Variants in IGF1R observed in about 807,000 individuals in gnomAD.
IGF1R encodes the protein insulin-like growth factor 1 receptor.
In IGF1R, 44 loss-of-function variants were observed where a neutral mutation model predicts 144.6. The observed-to-expected ratio is 0.30, with a 90% CI of 0.24 to 0.39. The LOEUF (loss-of-function observed/expected upper bound fraction) is 0.39. Among genes scored for constraint, IGF1R ranks in the 10% least tolerant of loss-of-function variants. The probability of loss-of-function intolerance (pLI) is 1.00; values close to 1 mark genes in which losing one functional copy is unlikely to be tolerated. For synonymous variants in IGF1R, 795 were observed against 722.8 expected (o/e 1.10, Z -1.60); for missense variants, 1,355 against 1,833.7 (o/e 0.74, Z 4.77).
At chr15:98,896,694 T>C (rs2151651800) in intron 3 of IGF1R, 63 bp from the exon 4 acceptor site, 1 of 1,533,328 alleles carries the variant, frequency 6.5e-7, no homozygotes, top group Non-Finnish European at 9.0e-7. Context: ...CTTATGGTTT[T>C]TTTAATGCAA....
At chr15:98,680,297 C>T (rs1024233428) in intron 1 of IGF1R, among the ~76,000 whole-genome samples, 33 of 151,322 alleles carry the variant, frequency 2.2e-4, no homozygotes, top group Admixed American at 7.2e-4. Flanking sequence ...GACAGAGTCT[C>T]GCTCTGTCGC....
At chr15:98,684,436 A>G (rs1223319104) in intron 1 of IGF1R, among the ~76,000 whole-genome samples, 1 of 151,960 alleles carries the variant, frequency 6.6e-6, no homozygotes, top group East Asian at 1.9e-4. Flanking sequence ...ATGAATATAA[A>G]TGATACCTAG....
chr15:98,951,558 TAGC>T (rs1430507371), intron 20 of IGF1R, among the ~76,000 whole-genome samples: 1 of 152,268 alleles, frequency 6.6e-6, no homozygotes. Context: ...AGGAGCGGCA[TAGC>T]TGGCTGGCTC....
chr15:98,720,395 G>A (rs949163792), intron 2 of IGF1R, among the ~76,000 whole-genome samples: 1 of 152,180 alleles, frequency 6.6e-6, no homozygotes, highest in Admixed American at 6.5e-5. Flanking sequence ...TGGGGACCTC[G>A]GATAGATCTG....
rs1374829919 is a variant in IGF1R, at chr15:98,777,222, A to G, written c.640+69115A>G. The stretch of plus-strand genomic sequence containing the variant: ...ATCAGGGCCTTCACTTGGATTTTGC[A>G]CTTGCCGCAGTGGAGACATTCCTCG... On this transcript the variant is annotated intron_variant, in intron 2 of 20. Coordinates refer to ENST00000650285, the MANE Select transcript of IGF1R (RefSeq NM_000875.5). 3.3e-5 allele frequency among the ~76,000 whole-genome samples: 5 copies of G among 152,172 alleles called. No individual in the cohort carries two copies. The East Asian group carries it at 9.6e-4, about 29-fold the overall frequency.
intron 2 of IGF1R, among the ~76,000 whole-genome samples, chr15:98,799,684 G>A (rs1359562590): frequency 6.6e-6 from 1 of 152,176 alleles, no homozygotes; most frequent in Non-Finnish European, 1.5e-5. Context: ...TTAGCGGAGG[G>A]GAGTGCTGAG....
At chr15:98,759,626 C>A (rs1399287270) in intron 2 of IGF1R, among the ~76,000 whole-genome samples, 1 of 152,206 alleles carries the variant, frequency 6.6e-6, no homozygotes, top group East Asian at 1.9e-4. Flanking sequence ...CAGAAGATTT[C>A]TTAACCAATT....
intron 1 of IGF1R, among the ~76,000 whole-genome samples, chr15:98,655,379 C>T (rs2052460577): frequency 6.6e-6 from 1 of 152,078 alleles, no homozygotes; most frequent in Non-Finnish European, 1.5e-5. Flanking sequence ...TCCCAGATAC[C>T]ATTTTTGAAG....
chr15:98,855,645 TTAATG>T (rs2141571272), intron 2 of IGF1R, among the ~76,000 whole-genome samples: 1 of 152,360 alleles, frequency 6.6e-6, no homozygotes, highest in Admixed American at 6.5e-5. Flanking sequence ...AATTAGCTCT[TTAATG>T]TATACGTTTA....
intron 9 of IGF1R, 98 bp from the exon 10 acceptor site, chr15:98,916,574 C>A: frequency 3.6e-6 from 4 of 1,101,210 alleles, no homozygotes; most frequent in Non-Finnish European, 5.6e-6. Flanking sequence ...GACCAGCTAT[C>A]TTCTTGATTA....
chr15:98,777,882 C>G (rs907802), intron 2 of IGF1R, among the ~76,000 whole-genome samples: 151,873 of 152,366 alleles, frequency 1, 75,693 homozygotes, highest in Middle Eastern at 1. Context: ...CACTGCAGAT[C>G]GTAAGGTCTA....
At position 98,957,577 on chromosome 15, in the gene IGF1R, G is replaced by A. The variant is rs185135822; in HGVS notation, c.*135G>A. The A allele has an allele frequency of 4.8e-5, 51 of 1,056,616 alleles. No individual in the cohort carries two copies. The highest frequency in any genetic ancestry group is 3.0e-4 in the Middle Eastern group (1 of 3,290). The allele number at this position is 1,056,616 out of a possible 1,614,324, so 65.5% of individuals were successfully genotyped here. A position where few individuals can be genotyped will look rare whatever the true frequency, so the allele number is the denominator to read the frequency against. The stretch of plus-strand genomic sequence containing the variant: ...ATCTTCAGAACTGCCCTTGCTGCCC[G>A]CGGGAGACAGCTTCTCTGCAGTAAA... On this transcript the variant is annotated 3_prime_UTR_variant, in exon 21 of 21. Coordinates refer to ENST00000650285, the MANE Select transcript of IGF1R (RefSeq NM_000875.5).
chr15:98,720,855 T>G (rs1336217856), intron 2 of IGF1R, among the ~76,000 whole-genome samples: 1 of 152,236 alleles, frequency 6.6e-6, no homozygotes, highest in Non-Finnish European at 1.5e-5. Flanking sequence ...TCCACTAAAG[T>G]AAGCTTTCCC....
rs11630136 is a variant in IGF1R at position 98,920,290 on chromosome 15, G to C, written c.2202-1858G>C. Reference sequence around the variant, plus strand: ...GTTCCTGCCTTCCAGATAATGTTCTGTGTCACCTCCCTCCCCTTGTCACTG... The same window carrying C: ...GTTCCTGCCTTCCAGATAATGTTCTCTGTCACCTCCCTCCCCTTGTCACTG... On this transcript the variant is annotated intron_variant, in intron 10 of 20. Coordinates refer to ENST00000650285, the MANE Select transcript of IGF1R (RefSeq NM_000875.5). 6.8e-3 allele frequency among the ~76,000 whole-genome samples: 1,032 copies of C among 152,292 alleles called. 4 individuals are homozygous for C. Among genetic ancestry groups the C allele is most frequent in the Non-Finnish European group, 0.011 (767 of 68,016 alleles).
chr15:98,881,851 G>A (rs1018150856), intron 2 of IGF1R, among the ~76,000 whole-genome samples: 2 of 152,160 alleles, frequency 1.3e-5, no homozygotes, highest in African/African-American at 4.8e-5. Context: ...AAATATATGT[G>A]AGATGCTTAA....
At chr15:98,652,546 G>A (rs1462913374) in intron 1 of IGF1R, among the ~76,000 whole-genome samples, 1 of 152,178 alleles carries the variant, frequency 6.6e-6, no homozygotes, top group African/African-American at 2.4e-5. Flanking sequence ...AATGTAAAAG[G>A]TCATAATGTT....
chr15:98,903,054 G>A (rs913422053), intron 5 of IGF1R, among the ~76,000 whole-genome samples: 2 of 152,220 alleles, frequency 1.3e-5, no homozygotes. Context: ...GGACACCATA[G>A]GGTGTATTTC....
intron 2 of IGF1R, among the ~76,000 whole-genome samples, chr15:98,728,019 T>TTG (rs1433720465): frequency 1.3e-5 from 2 of 150,688 alleles, no homozygotes; most frequent in East Asian, 1.9e-4. Context: ...TTTTTTTTTT[T>TTG]TTTTTTTTTT....
Position 98,963,674 on chromosome 15 carries a change from G to C in IGF1R, c.*6232G>C, listed in dbSNP as rs886051618. The C allele has an allele frequency of 8.6e-6, 2 of 233,120 alleles. No individual in the cohort carries two copies. Among genetic ancestry groups the C allele is most frequent in the Non-Finnish European group, 1.7e-5 (2 of 118,042 alleles). 14.4% of individuals were successfully genotyped at this position (233,120 alleles called of 1,614,324 possible). On this transcript the variant is annotated 3_prime_UTR_variant, in exon 21 of 21. Coordinates refer to ENST00000650285, the MANE Select transcript of IGF1R (RefSeq NM_000875.5). ...GATCACATAAACGATGACAGCTATGGGGCACACAGGCCATTTGCTTACATG... is the reference window on the plus strand; with the variant it reads ...GATCACATAAACGATGACAGCTATGCGGCACACAGGCCATTTGCTTACATG...
Sources: allele counts gnomAD v4.1 joint callset (sites outside exome capture counted in the v4.1 genomes callset), GRCh38; gene constraint gnomAD v4.1.1; transcripts MANE v1.5; gene names NCBI Gene and HGNC (gene_info 2026-07-23, HGNC 2026-07-21).